The following AKAIN1 variants were observed in gnomAD, a reference collection of about 807,000 sequenced individuals.
AKAIN1 encodes the protein A-kinase anchor inhibitor 1.
A neutral mutation model predicts 3.7 loss-of-function variants in AKAIN1; 3 were observed. That is an observed-to-expected ratio of 0.82 (90% CI 0.37 to 2.12). The LOEUF (loss-of-function observed/expected upper bound fraction) is 2.12, where lower values mean the gene tolerates loss of function less well. Among genes scored for constraint, AKAIN1 ranks in the 30% most tolerant of loss-of-function variants. The pLI is 0.06. For synonymous variants in AKAIN1, 31 were observed against 30.8 expected, an observed-to-expected ratio of 1.01 and a Z score of -0.02; for missense variants, 82 against 82.7, an observed-to-expected ratio of 0.99 and a Z score of 0.03.
At chr18:5,193,984 G>A (rs2071335023) in intron 1 of AKAIN1, among the ~76,000 whole-genome samples, 1 of 152,078 alleles carries the variant, frequency 6.6e-6, no homozygotes, top group Non-Finnish European at 1.5e-5. Flanking sequence ...CAGTTTATGG[G>A]GGTGGGAGGA....
At chr18:5,180,438 G>A (rs140472750) in intron 1 of AKAIN1, among the ~76,000 whole-genome samples, 51 of 152,156 alleles carry the variant, frequency 3.4e-4, no homozygotes, top group Middle Eastern at 3.4e-3. Context: ...ACATGGAGGC[G>A]TGGTCATACC....
intron 1 of AKAIN1, among the ~76,000 whole-genome samples, chr18:5,192,890 T>C (rs1478981056): frequency 6.6e-6 from 1 of 152,180 alleles, no homozygotes; most frequent in African/African-American, 2.4e-5. Context: ...AATCTATACA[T>C]ATGTTGAAAC....
intron 1 of AKAIN1, among the ~76,000 whole-genome samples, chr18:5,155,953 A>T (rs968044684): frequency 1.3e-5 from 2 of 152,150 alleles, no homozygotes; most frequent in Non-Finnish European, 2.9e-5. Flanking sequence ...TTTTTATTTT[A>T]TCAAACATAC....
At position 5,193,885 on chromosome 18, in the gene AKAIN1, T is replaced by C. The variant is rs115683021; in HGVS notation, c.16+3153A>G. Among the ~76,000 whole-genome samples, 883 of 152,300 alleles carry C rather than the reference T, an allele frequency of 5.8e-3. 6 individuals are homozygous for C. Among genetic ancestry groups the C allele is most frequent in the African/African-American group, 0.02 (846 of 41,554 alleles). On this transcript the variant is annotated intron_variant, in intron 1 of 1. Transcript: ENST00000434239. ...TTTAGTATTATGGGACAAATATATTTCTCCATATTGGTTGTGTCACCCCCT... is the reference window on the plus strand; with the variant it reads ...TTTAGTATTATGGGACAAATATATTCCTCCATATTGGTTGTGTCACCCCCT...
At chr18:5,153,641 T>C (rs2071090872) in intron 1 of AKAIN1, among the ~76,000 whole-genome samples, 1 of 152,206 alleles carries the variant, frequency 6.6e-6, no homozygotes, top group Non-Finnish European at 1.5e-5. Flanking sequence ...CCAAATGGAT[T>C]TCATATCTAG....
chr18:5,151,326 C>G (rs761246405), intron 1 of AKAIN1, among the ~76,000 whole-genome samples: 9 of 152,142 alleles, frequency 5.9e-5, no homozygotes, highest in Non-Finnish European at 1.2e-4. Context: ...AGCTCTGGAA[C>G]TACAGGAATT....
chr18:5,169,353 G>A (rs966375621), intron 1 of AKAIN1, among the ~76,000 whole-genome samples: 4 of 152,006 alleles, frequency 2.6e-5, no homozygotes, highest in Admixed American at 2.6e-4. Flanking sequence ...GGAGACCATA[G>A]CCTAGCCAAG....
chr18:5,189,068 C>A (rs538109852), intron 1 of AKAIN1, among the ~76,000 whole-genome samples: 12 of 152,300 alleles, frequency 7.9e-5, no homozygotes, highest in Non-Finnish European at 1.6e-4. Flanking sequence ...TAGAGCTACA[C>A]CTGAGCCCAT....
chr18:5,182,322 A>G (rs2071263045), intron 1 of AKAIN1, among the ~76,000 whole-genome samples: 1 of 152,110 alleles, frequency 6.6e-6, no homozygotes, highest in Non-Finnish European at 1.5e-5. Flanking sequence ...TATAAGATGC[A>G]CATTATTAGT....
At chr18:5,152,808 A>T (rs2071086876) in intron 1 of AKAIN1, among the ~76,000 whole-genome samples, 1 of 152,204 alleles carries the variant, frequency 6.6e-6, no homozygotes, top group Non-Finnish European at 1.5e-5. Context: ...AGAGGAACTC[A>T]AGGCAGCCTG....
chr18:5,183,041 G>C (rs1435498776), intron 1 of AKAIN1, among the ~76,000 whole-genome samples: 3 of 151,966 alleles, frequency 2.0e-5, no homozygotes, highest in African/African-American at 7.2e-5. Flanking sequence ...GTTAATAACT[G>C]TGCTGCATAC....
At chr18:5,166,831 G>T (rs879823597) in intron 1 of AKAIN1, among the ~76,000 whole-genome samples, 4 of 152,086 alleles carry the variant, frequency 2.6e-5, no homozygotes, top group Non-Finnish European at 5.9e-5. Flanking sequence ...GTGAGCATCT[G>T]TTTCCTCTTG....
chr18:5,145,538 A>G lies in AKAIN1; in HGVS notation c.*24T>C, dbSNP rs2071043493. On this transcript the variant is annotated 3_prime_UTR_variant, in exon 2 of 2. Transcript: ENST00000434239. ...AAGAGGAAGGCTAGAAACCAAGCACATGTCAAGAGCCAAATCCACCATGTT... is the reference window on the plus strand; with the variant it reads ...AAGAGGAAGGCTAGAAACCAAGCACGTGTCAAGAGCCAAATCCACCATGTT... 1.9e-6 allele frequency: 3 copies of G among 1,545,842 alleles called. No individual in the cohort carries two copies. Among genetic ancestry groups the G allele is most frequent in the East Asian group, 2.4e-5 (1 of 40,854 alleles).
At position 5,145,574 on chromosome 18, in the gene AKAIN1, G is replaced by A. The variant is rs370601324; in HGVS notation, c.198C>T (p.His66=). The A allele has an allele frequency of 4.7e-4, 730 of 1,551,238 alleles. 7 individuals are homozygous for A. The Middle Eastern group carries it at 7.4e-3, about 16-fold the overall frequency. The change falls in exon 2 of 2, where the codon CAC becomes CAT. Residue 66 remains histidine (H), a synonymous_variant. Coordinates refer to ENST00000434239, the MANE Select transcript of AKAIN1 (RefSeq NM_001145194.2). ...QLGVGELTKK[H]EKK is the part of the protein sequence containing the mutation. ...CAAATCCACCATGTTACTTCTTTTC[G>A]TGCTTCTTGGTTAACTCCCCAACGC...
intron 1 of AKAIN1, among the ~76,000 whole-genome samples, chr18:5,148,334 C>T (rs1041436409): frequency 2.6e-5 from 4 of 152,128 alleles, no homozygotes; most frequent in Non-Finnish European, 5.9e-5. Context: ...TATAATATTG[C>T]CCTCATTTAC....
In AKAIN1 at chr18:5,146,739, G is replaced by A. The variant is rs185516589; in HGVS notation, c.17-984C>T. On this transcript the variant is annotated intron_variant, in intron 1 of 1. Transcript: ENST00000434239. ...AGGAGACAGTCTAAGTTCATGGGTC[G>A]TACAACTTCTGGAACAACTACTCAA... 2.2e-4 allele frequency among the ~76,000 whole-genome samples: 33 copies of A among 152,236 alleles called. No individual in the cohort carries two copies. In the East Asian group the frequency reaches 4.1e-3, roughly 19 times the overall value.
At chr18:5,186,876 TAAC>T (rs2071290499) in intron 1 of AKAIN1, among the ~76,000 whole-genome samples, 1 of 152,056 alleles carries the variant, frequency 6.6e-6, no homozygotes, top group Non-Finnish European at 1.5e-5. Context: ...TAGAAATCAA[TAAC>T]AAAAATTCAT....
At chr18:5,150,110 T>C (rs888199340) in intron 1 of AKAIN1, among the ~76,000 whole-genome samples, 9 of 152,354 alleles carry the variant, frequency 5.9e-5, no homozygotes, top group African/African-American at 2.2e-4. Flanking sequence ...CTTAGCTCCA[T>C]TGCCTTGGCA....
intron 1 of AKAIN1, among the ~76,000 whole-genome samples, chr18:5,182,166 G>A (rs2071262039): frequency 6.6e-6 from 1 of 152,066 alleles, no homozygotes; most frequent in Admixed American, 6.6e-5. Flanking sequence ...CATCAGCCTA[G>A]CTTATTGTAG....
Sources: gnomAD v4.1 joint callset for allele counts (sites outside exome capture counted in the v4.1 genomes callset) on GRCh38, gnomAD v4.1.1 for gene constraint, MANE v1.5 for transcripts, NCBI Gene and HGNC (gene_info 2026-07-23, HGNC 2026-07-21) for gene names.